Variants in TMPRSS11F observed in about 807,000 individuals in gnomAD.
TMPRSS11F encodes the protein transmembrane protease serine 11F.
Under a neutral mutation model 60.2 loss-of-function variants are expected in TMPRSS11F, and 47 were observed. That is an observed-to-expected ratio of 0.78 (90% CI 0.62 to 1.00). The LOEUF (loss-of-function observed/expected upper bound fraction) is 1.00. Ranked by LOEUF, TMPRSS11F falls within the 50% of genes least tolerant of loss-of-function variation. The pLI is 0.00. For synonymous variants in TMPRSS11F, 166 were observed against 167.3 expected (o/e 0.99, Z 0.06); for missense variants, 519 against 522.9 (o/e 0.99, Z 0.07).
intron 3 of TMPRSS11F, among the ~76,000 whole-genome samples, chr4:68,081,128 G>C (rs180967807): frequency 6.5e-4 from 99 of 152,278 alleles, no homozygotes; most frequent in Middle Eastern, 3.4e-3. Flanking sequence ...AGAATATAAA[G>C]AGCCCAGTAA....
chr4:68,117,650 T>G lies in TMPRSS11F; in HGVS notation c.11+12160A>C, dbSNP rs533669509. On this transcript the variant is annotated intron_variant, in intron 1 of 9. Transcript: ENST00000356291. ...ACATCTGTTAGGATGGTTGTTAGGT[T>G]GAATAGAAAGTTGGGTGTCTCCACT... Among the ~76,000 whole-genome samples the G allele has an allele frequency of 2.0e-5, 3 of 152,246 alleles. No individual in the cohort carries two copies. In the South Asian group the frequency reaches 6.2e-4, roughly 32 times the overall value.
At chr4:68,084,409 A>T (rs1054164114) in intron 3 of TMPRSS11F, among the ~76,000 whole-genome samples, 1 of 152,186 alleles carries the variant, frequency 6.6e-6, no homozygotes, top group Non-Finnish European at 1.5e-5. Flanking sequence ...AAAATCTTAA[A>T]GTTAGCTACA....
chr4:68,062,955 C>T, intron 8 of TMPRSS11F: 1 of 750,022 alleles, frequency 1.3e-6, no homozygotes. Flanking sequence ...ATGAGAATTT[C>T]TGGAACTGAC....
At chr4:68,119,294 TCATAA>T (rs1257578209) in intron 1 of TMPRSS11F, among the ~76,000 whole-genome samples, 1 of 152,122 alleles carries the variant, frequency 6.6e-6, no homozygotes. Flanking sequence ...GAAACCATTT[TCATAA>T]CATAAGAGTG....
At chr4:68,129,756 T>C in intron 1 of TMPRSS11F, 54 bp downstream of exon 1, 2 of 1,579,482 alleles carry the variant, frequency 1.3e-6, no homozygotes, top group Non-Finnish European at 1.7e-6. Context: ...GTCTCAGGAA[T>C]TGTAAACCTC....
intron 2 of TMPRSS11F, among the ~76,000 whole-genome samples, chr4:68,092,304 T>C (rs1413397212): frequency 6.6e-6 from 1 of 152,164 alleles, no homozygotes; most frequent in Non-Finnish European, 1.5e-5. Context: ...CTAGAAGTAA[T>C]TGATGTTTTA....
At chr4:68,065,754 C>A (rs1723311679) in intron 7 of TMPRSS11F, among the ~76,000 whole-genome samples, 1 of 123,204 alleles carries the variant, frequency 8.1e-6, no homozygotes, top group South Asian at 3.0e-4. Flanking sequence ...GAATCATCAA[C>A]CTTTAAATGT....
At chr4:68,099,065 C>A (rs1724136663) in intron 1 of TMPRSS11F, 27 bp from the exon 2 acceptor site, 1 of 1,583,676 alleles carries the variant, frequency 6.3e-7, no homozygotes. Context: ...AAAATAGAGA[C>A]AATAAAAATT....
intron 3 of TMPRSS11F, 98 bp downstream of exon 3, chr4:68,090,425 C>G: frequency 1.4e-6 from 2 of 1,434,364 alleles, no homozygotes; most frequent in Non-Finnish European, 1.8e-6. Flanking sequence ...CTCCATTATG[C>G]AAAAGAAGAA....
intron 5 of TMPRSS11F, among the ~76,000 whole-genome samples, 156 bp from the exon 6 acceptor site, chr4:68,070,163 AC>A (rs1328228988): frequency 6.6e-5 from 10 of 152,156 alleles, no homozygotes. Flanking sequence ...TATATAAATA[AC>A]CCTTTACTCT....
Position 68,053,858 on chromosome 4 carries a change from G to T in TMPRSS11F, c.*51C>A, listed in dbSNP as rs749321408. 1.3e-6 allele frequency: 2 copies of T among 1,516,216 alleles called. No homozygotes were observed. Among genetic ancestry groups the T allele is most frequent in the African/African-American group, 1.4e-5 (1 of 72,638 alleles). The allele number at this position is 1,516,216 out of a possible 1,614,324, so 93.9% of individuals were successfully genotyped here. A position where few individuals can be genotyped will look rare whatever the true frequency, so the allele number is the denominator to read the frequency against. ...AATGAATTTAAACAATACAAAATAC[G>T]CAGGAGTATCAGCTCTGTGTGCCAT... On this transcript the variant is annotated 3_prime_UTR_variant, in exon 10 of 10. Transcript: ENST00000356291.
At chr4:68,104,170 T>C (rs1724252963) in intron 1 of TMPRSS11F, among the ~76,000 whole-genome samples, 1 of 152,236 alleles carries the variant, frequency 6.6e-6, no homozygotes, top group Admixed American at 6.5e-5. Flanking sequence ...GTTCCAGTAC[T>C]ATGTTGAACA....
intron 6 of TMPRSS11F, among the ~76,000 whole-genome samples, chr4:68,069,372 A>C (rs1723403155): frequency 1.3e-5 from 2 of 152,234 alleles, no homozygotes; most frequent in Admixed American, 1.3e-4. Flanking sequence ...TTTAAACACT[A>C]TCGACCTTTT....
intron 1 of TMPRSS11F, among the ~76,000 whole-genome samples, chr4:68,099,657 T>A (rs1033297071): frequency 6.6e-6 from 1 of 152,212 alleles, no homozygotes; most frequent in South Asian, 2.1e-4. Context: ...AGATTCAATA[T>A]TGTGATATCT....
intron 3 of TMPRSS11F, among the ~76,000 whole-genome samples, chr4:68,087,712 T>C (rs372425197): frequency 0.012 from 1,870 of 151,212 alleles, 14 homozygotes; most frequent in Non-Finnish European, 0.021. Context: ...TTTATTTATT[T>C]ATTTATTTAT....
intron 1 of TMPRSS11F, among the ~76,000 whole-genome samples, chr4:68,106,793 A>C (rs796914640): frequency 4.6e-5 from 7 of 152,384 alleles, no homozygotes; most frequent in African/African-American, 1.4e-4. Flanking sequence ...TCTTATTTAC[A>C]TAATAGAATA....
intron 1 of TMPRSS11F, among the ~76,000 whole-genome samples, chr4:68,127,637 A>C (rs1034906883): frequency 6.6e-6 from 1 of 152,148 alleles, no homozygotes; most frequent in Non-Finnish European, 1.5e-5. Context: ...TATCTAACCC[A>C]GTGTATTAAA....
At chr4:68,074,998 AT>A (rs1723554731) in intron 3 of TMPRSS11F, among the ~76,000 whole-genome samples, 2 of 152,342 alleles carry the variant, frequency 1.3e-5, no homozygotes, top group Admixed American at 6.5e-5. Flanking sequence ...AGATTAAAAA[AT>A]TTTTTTAAAA....
chr4:68,072,407 T>C lies in TMPRSS11F; in HGVS notation c.430A>G (p.Lys144Glu). The change falls in exon 5 of 10, where the codon AAA becomes GAA. Residue 144 changes from lysine to glutamate, a missense_variant. Lys to Glu is a moderately conservative substitution (Grantham distance 56). Coordinates refer to ENST00000356291, the MANE Select transcript of TMPRSS11F (RefSeq NM_207407.2). ...TGATATAAAGCCTTTTCAATTTTTT[T>C]CTTGATTTGTTCAGCACTATCAGTA... ...PSTDSAEQIK[K>E]KIEKALYQSL... 1 of 1,601,246 alleles carries C rather than the reference T, an allele frequency of 6.2e-7. No homozygotes were observed. The highest frequency in any genetic ancestry group is 8.5e-7 in the Non-Finnish European group (1 of 1,172,392).
Sources: gnomAD v4.1 joint callset for allele counts (sites outside exome capture counted in the v4.1 genomes callset) on GRCh38, gnomAD v4.1.1 for gene constraint, MANE v1.5 for transcripts, NCBI Gene and HGNC (gene_info 2026-07-23, HGNC 2026-07-21) for gene names.